The following COL28A1 variants were observed in gnomAD, a reference collection of about 807,000 sequenced individuals.
COL28A1 encodes collagen type XXVIII alpha 1 chain.
COL28A1 carries 161 observed loss-of-function variants against 150.2 expected under a neutral mutation model. That is an observed-to-expected ratio of 1.07 (90% CI 0.94 to 1.22). The LOEUF (loss-of-function observed/expected upper bound fraction) is 1.22, where lower values mean the gene tolerates loss of function less well. Ranked by LOEUF, COL28A1 falls within the 50% of genes most tolerant of loss-of-function variation. The probability of loss-of-function intolerance (pLI) is 0.00; values close to 1 mark genes in which losing one functional copy is unlikely to be tolerated. For synonymous variants in COL28A1, 552 were observed against 469.7 expected (o/e 1.18, Z -2.26); for missense variants, 1,617 against 1,388.3 (o/e 1.16, Z -2.62).
intron 15 of COL28A1, among the ~76,000 whole-genome samples, chr7:7,465,543 T>G (rs1057267995): frequency 7.2e-6 from 1 of 138,654 alleles, no homozygotes; most frequent in Non-Finnish European, 1.6e-5. Flanking sequence ...CGCCCGCCAT[T>G]GCCCAGGCTT....
intron 13 of COL28A1, among the ~76,000 whole-genome samples, chr7:7,486,967 T>C (rs1369609942): frequency 6.6e-6 from 1 of 152,196 alleles, no homozygotes; most frequent in Admixed American, 6.5e-5. Context: ...ATTAAGTTGA[T>C]AAACGTTTCT....
chr7:7,512,739 A>T (rs957434432), intron 8 of COL28A1, among the ~76,000 whole-genome samples: 5 of 152,124 alleles, frequency 3.3e-5, no homozygotes, highest in Non-Finnish European at 7.4e-5. Flanking sequence ...TCCTCAATTC[A>T]ATTCTCATTT....
chr7:7,350,303 T>C, the COL28A1 span, among the ~76,000 whole-genome samples: 3 of 152,052 alleles, frequency 2.0e-5, no homozygotes, highest in Admixed American at 6.6e-5. Context: ...GCTGCAGTCA[T>C]TGGCTGGGTG....
chr7:7,390,050 G>T (rs948572878), intron 27 of COL28A1, among the ~76,000 whole-genome samples: 2 of 152,184 alleles, frequency 1.3e-5, no homozygotes, highest in Admixed American at 6.5e-5. Flanking sequence ...TGGTGAGAGA[G>T]GGCATCCCTA....
intron 15 of COL28A1, among the ~76,000 whole-genome samples, chr7:7,460,809 C>T (rs545797862): frequency 2.6e-5 from 4 of 152,276 alleles, no homozygotes; most frequent in Admixed American, 6.5e-5. Context: ...TGAGACATTA[C>T]AATAAATAGA....
rs377021028 is a variant in COL28A1, at chr7:7,373,855, T to A, written c.2360-309A>T. On this transcript the variant is annotated intron_variant, in intron 31 of 34. Transcript: ENST00000399429. This position sits in a 1 kb window ranked among gnomAD's most constrained non-coding sequence, Gnocchi z 4.1. ...GCTGGGACTACAGGCGCCCGCCACC[T>A]CGCCTGGCTAATTTTTTGTATTTTT... 2.6e-5 allele frequency among the ~76,000 whole-genome samples: 4 copies of A among 151,148 alleles called. No individual in the cohort carries two copies. Among genetic ancestry groups the A allele is most frequent in the Non-Finnish European group, 4.4e-5 (3 of 67,820 alleles).
At chr7:7,384,272 G>T (rs533722539) in intron 27 of COL28A1, among the ~76,000 whole-genome samples, 1 of 152,086 alleles carries the variant, frequency 6.6e-6, no homozygotes, top group African/African-American at 2.4e-5. Context: ...CAATGTCTTG[G>T]GCCCACCTAA....
intron 18 of COL28A1, among the ~76,000 whole-genome samples, chr7:7,444,856 T>A (rs1786129197): frequency 6.6e-6 from 1 of 152,118 alleles, no homozygotes; most frequent in South Asian, 2.1e-4. Flanking sequence ...CCCACCCAAA[T>A]CTTATTTGAA....
chr7:7,471,723 C>T (rs1788447379), intron 15 of COL28A1, among the ~76,000 whole-genome samples: 1 of 152,038 alleles, frequency 6.6e-6, no homozygotes, highest in African/African-American at 2.4e-5. Context: ...GATGAAACCC[C>T]ATCTCTACTA....
At chr7:7,458,186 G>T (rs1269931249) in intron 15 of COL28A1, among the ~76,000 whole-genome samples, 2 of 152,170 alleles carry the variant, frequency 1.3e-5, no homozygotes, top group Non-Finnish European at 2.9e-5. Context: ...GGAGGCAGAG[G>T]TGGGCGGATC....
At chr7:7,399,702 T>C (rs953830263) in intron 27 of COL28A1, among the ~76,000 whole-genome samples, 2 of 152,214 alleles carry the variant, frequency 1.3e-5, no homozygotes, top group Non-Finnish European at 2.9e-5. Context: ...TGTGGGTCAA[T>C]TGAAAGAAGT....
In COL28A1 at chr7:7,381,620, G is replaced by C; in HGVS notation, c.2137-8C>G. On this transcript the variant is annotated splice_polypyrimidine_tract_variant and splice_region_variant and intron_variant, in intron 27 of 34. Coordinates refer to ENST00000399429, the MANE Select transcript of COL28A1 (RefSeq NM_001037763.3). ...TTGTGGTCCTTGTTCCCCCTACATA[G>C]GATATGAGAAAGAGATGTTCTATTA... 1 of 1,608,766 alleles carries C rather than the reference G, an allele frequency of 6.2e-7. No individual in the cohort carries two copies. Among genetic ancestry groups the C allele is most frequent in the Admixed American group, 1.7e-5 (1 of 59,976 alleles).
At chr7:7,405,468 A>G (rs1177320767) in intron 27 of COL28A1, among the ~76,000 whole-genome samples, 2 of 152,208 alleles carry the variant, frequency 1.3e-5, no homozygotes, top group Non-Finnish European at 2.9e-5. Flanking sequence ...CCAGTTGGGG[A>G]ACTTTTGGAA....
At chr7:7,454,086 G>A (rs1786940572) in intron 16 of COL28A1, among the ~76,000 whole-genome samples, 1 of 152,118 alleles carries the variant, frequency 6.6e-6, no homozygotes, top group Admixed American at 6.5e-5. Context: ...TATAAAAAAG[G>A]ATATGCACAT....
At chr7:7,444,568 A>C in intron 18 of COL28A1, 79 bp from the exon 19 acceptor site, 9 of 1,392,578 alleles carry the variant, frequency 6.5e-6, no homozygotes, top group Non-Finnish European at 7.0e-6. Context: ...TGTATCTTAC[A>C]GTGTCTGAGA....
chr7:7,453,298 A>G (rs1786862301), intron 17 of COL28A1, 142 bp downstream of exon 17: 5 of 651,182 alleles, frequency 7.7e-6, no homozygotes, highest in Non-Finnish European at 1.4e-5. Flanking sequence ...ATTGTCAGGA[A>G]TATCAGTAAC....
chr7:7,504,343 A>AC (rs1256210539), intron 11 of COL28A1, among the ~76,000 whole-genome samples: 2 of 152,108 alleles, frequency 1.3e-5, no homozygotes, highest in East Asian at 3.9e-4. Flanking sequence ...CAAAAAAAAA[A>AC]ATTATAATTT....
intron 11 of COL28A1, 122 bp downstream of exon 11, chr7:7,505,892 T>C: frequency 1.4e-6 from 1 of 706,034 alleles, no homozygotes; most frequent in East Asian, 2.5e-5. Flanking sequence ...CTGCAGGTTA[T>C]TATGCATTTC....
downstream of COL28A1, among the ~76,000 whole-genome samples, chr7:7,351,443 C>T (rs1403149015): frequency 6.6e-6 from 1 of 152,144 alleles, no homozygotes; most frequent in Non-Finnish European, 1.5e-5. Context: ...GAGATAATAA[C>T]CTTCCTGAAA....
Sources: allele counts gnomAD v4.1 joint callset (sites outside exome capture counted in the v4.1 genomes callset), GRCh38; gene constraint gnomAD v4.1.1; non-coding constraint Gnocchi (gnomAD v3.1); transcripts MANE v1.5; gene names NCBI Gene and HGNC (gene_info 2026-07-23, HGNC 2026-07-21).